TRAPPC9: variants seen among roughly 807,000 people sequenced by gnomAD.
TRAPPC9 encodes IKK2 binding protein.
A neutral mutation model predicts 124.0 loss-of-function variants in TRAPPC9; 83 were observed. The observed-to-expected ratio is 0.67, with a 90% CI of 0.56 to 0.80. TRAPPC9 has a LOEUF of 0.80. Among genes scored for constraint, TRAPPC9 ranks in the 30% least tolerant of loss-of-function variants. The probability of loss-of-function intolerance (pLI) is 0.00; values close to 1 mark genes in which losing one functional copy is unlikely to be tolerated. For missense variants in TRAPPC9, 1,302 were observed against 1,508.3 expected (o/e 0.86, Z 2.27); for synonymous variants, 638 against 617.5 (o/e 1.03, Z -0.49).
intron 21 of TRAPPC9, among the ~76,000 whole-genome samples, chr8:139,803,989 C>T (rs1466768859): frequency 2.0e-5 from 3 of 152,046 alleles, no homozygotes; most frequent in African/African-American, 7.3e-5. Context: ...AGTCTGCAAA[C>T]AACACAACAA....
At chr8:139,865,936 G>A (rs925998017) in intron 21 of TRAPPC9, among the ~76,000 whole-genome samples, 2 of 152,182 alleles carry the variant, frequency 1.3e-5, no homozygotes, top group African/African-American at 4.8e-5. Context: ...TTTTAGGGAA[G>A]CCTGAGACAT....
intron 11 of TRAPPC9, among the ~76,000 whole-genome samples, chr8:140,297,741 C>A (rs1563926060): frequency 6.6e-6 from 1 of 152,218 alleles, no homozygotes; most frequent in Non-Finnish European, 1.5e-5. Flanking sequence ...TCGAGTTCAA[C>A]GTGTAAGTAA....
At chr8:140,423,897 C>T (rs1365316348) in intron 5 of TRAPPC9, among the ~76,000 whole-genome samples, 1 of 151,990 alleles carries the variant, frequency 6.6e-6, no homozygotes, top group African/African-American at 2.4e-5. Context: ...ATGTATGATG[C>T]CATTTATATG....
chr8:139,954,776 C>T (rs535450657), intron 19 of TRAPPC9, among the ~76,000 whole-genome samples: 2 of 152,228 alleles, frequency 1.3e-5, no homozygotes, highest in African/African-American at 4.8e-5. Flanking sequence ...GACATCACAG[C>T]GTGTCAGTGA....
intron 21 of TRAPPC9, among the ~76,000 whole-genome samples, chr8:139,791,728 C>T (rs1216794702): frequency 2.0e-5 from 3 of 152,222 alleles, no homozygotes. Context: ...GGTCACAAGC[C>T]CAGCTCAGGG....
chr8:140,378,475 A>G (rs796375535), intron 7 of TRAPPC9, among the ~76,000 whole-genome samples: 9 of 152,208 alleles, frequency 5.9e-5, no homozygotes, highest in African/African-American at 2.2e-4. Context: ...CAAGTTCTTC[A>G]TTTTTGAGAC....
chr8:140,012,962 C>A (rs1327583906), intron 18 of TRAPPC9, among the ~76,000 whole-genome samples: 1 of 152,150 alleles, frequency 6.6e-6, no homozygotes, highest in Non-Finnish European at 1.5e-5. Flanking sequence ...AGGCAACTGG[C>A]ACTTAGTGTG....
chr8:140,234,092 G>A (rs369829577), intron 16 of TRAPPC9, among the ~76,000 whole-genome samples: 138 of 152,272 alleles, frequency 9.1e-4, no homozygotes, highest in African/African-American at 3.1e-3. Flanking sequence ...CCCCCAGTCC[G>A]TGGCCTGTAG....
At chr8:140,283,815 TAAAA>T in intron 14 of TRAPPC9, 70 bp downstream of exon 14, 2 of 1,375,074 alleles carry the variant, frequency 1.5e-6, no homozygotes, top group Non-Finnish European at 2.0e-6. Flanking sequence ...TTTGTGCCAT[TAAAA>T]AAAAAAAAAA....
chr8:139,824,881 G>T (rs1199075864), intron 21 of TRAPPC9, among the ~76,000 whole-genome samples: 1 of 152,162 alleles, frequency 6.6e-6, no homozygotes, highest in Non-Finnish European at 1.5e-5. Context: ...CTTTGTAAAA[G>T]GTTCCATGCT....
intron 17 of TRAPPC9, among the ~76,000 whole-genome samples, chr8:140,181,941 G>A (rs2062214649): frequency 6.6e-6 from 1 of 152,104 alleles, no homozygotes; most frequent in African/African-American, 2.4e-5. Flanking sequence ...TGGTAAATCT[G>A]TGCATCCTCA....
chr8:140,262,326 C>T (rs1236508643), intron 15 of TRAPPC9, among the ~76,000 whole-genome samples: 2 of 151,622 alleles, frequency 1.3e-5, no homozygotes, highest in African/African-American at 4.9e-5. Context: ...ACACCTTCAT[C>T]CCCTCAGCCC....
intron 15 of TRAPPC9, among the ~76,000 whole-genome samples, chr8:140,253,639 C>T (rs1049600378): frequency 2.0e-5 from 3 of 151,898 alleles, no homozygotes; most frequent in Non-Finnish European, 2.9e-5. Context: ...GATCATGCCA[C>T]TGCACTCCAG....
chr8:140,294,433 T>C (rs1393811081), intron 11 of TRAPPC9, among the ~76,000 whole-genome samples: 1 of 152,098 alleles, frequency 6.6e-6, no homozygotes, highest in Non-Finnish European at 1.5e-5. Context: ...GGCTAACGTC[T>C]GGTAATTAAG....
chr8:139,745,777 G>A (rs374528588), intron 21 of TRAPPC9, among the ~76,000 whole-genome samples: 1 of 152,242 alleles, frequency 6.6e-6, no homozygotes, highest in African/African-American at 2.4e-5. Context: ...GACTGGGCTC[G>A]CCGCCTTGCT....
At chr8:140,379,752 C>G (rs953431254) in intron 7 of TRAPPC9, among the ~76,000 whole-genome samples, 1 of 152,142 alleles carries the variant, frequency 6.6e-6, no homozygotes, top group Non-Finnish European at 1.5e-5. Flanking sequence ...ACAATCTATA[C>G]GCTTAATAAA....
rs779979971 is a variant in TRAPPC9 at position 140,104,571 on chromosome 8, G to A, written c.2557-80492C>T. On this transcript the variant is annotated intron_variant, in intron 17 of 22. Coordinates refer to ENST00000438773, the MANE Select transcript of TRAPPC9 (RefSeq NM_001160372.4). The surrounding 1 kb of genome is among the most constrained non-coding windows in gnomAD (Gnocchi z 4.0). ...AGATGAAAGAGGCCAAGTTTCTCCC[G>A]ATATTTTCAGCCACAGTCTGAAATG... 2.2e-4 allele frequency among the ~76,000 whole-genome samples: 34 copies of A among 152,204 alleles called. No homozygotes were observed. The highest frequency in any genetic ancestry group is 3.4e-3 in the Middle Eastern group (1 of 294).
At chr8:140,072,528 G>A (rs114214607) in intron 17 of TRAPPC9, among the ~76,000 whole-genome samples, 56,456 of 124,936 alleles carry the variant, frequency 0.45, 12,151 homozygotes, top group Middle Eastern at 0.58. Context: ...AAAAAAAAAA[G>A]GAGGAGGAGG....
chr8:140,031,598 C>T (rs1420310593), intron 17 of TRAPPC9, among the ~76,000 whole-genome samples: 1 of 152,214 alleles, frequency 6.6e-6, no homozygotes, highest in African/African-American at 2.4e-5. Flanking sequence ...AGACCAAAGG[C>T]TGGGGCTCAT....
Sources: allele counts gnomAD v4.1 joint callset (sites outside exome capture counted in the v4.1 genomes callset), GRCh38; gene constraint gnomAD v4.1.1; non-coding constraint Gnocchi (gnomAD v3.1); transcripts MANE v1.5; gene names NCBI Gene and HGNC (gene_info 2026-07-23, HGNC 2026-07-21).